The following TTC23 variants were observed in gnomAD, a reference collection of about 807,000 sequenced individuals.
TTC23 encodes the protein tetratricopeptide repeat protein 23.
A neutral mutation model predicts 55.1 loss-of-function variants in TTC23; 58 were observed. The observed-to-expected ratio is 1.05, with a 90% CI of 0.85 to 1.31. The LOEUF is 1.31. TTC23 is among the 50% of genes most tolerant of loss of function. The probability of loss-of-function intolerance (pLI) is 0.00; values close to 1 mark genes in which losing one functional copy is unlikely to be tolerated. For synonymous variants in TTC23, 203 were observed against 199.9 expected, an observed-to-expected ratio of 1.02 and a Z score of -0.13; for missense variants, 516 against 534.4, an observed-to-expected ratio of 0.97 and a Z score of 0.34.
In TTC23 at chr15:99,138,033, G is replaced by A. The variant is rs782673776; in HGVS notation, c.1321C>T (p.Arg441Trp). The change falls in exon 14 of 14, where the codon CGG becomes TGG. Residue 441 changes from arginine (R) to tryptophan (W), a missense_variant. Transcript: ENST00000394132. Reference protein sequence around the residue: ...IPQDTLLGKARPGTTAD With the variant: ...IPQDTLLGKAWPGTTAD ...CCTCAGTCTGCTGTTGTGCCGGGCCGGGCCTTCCCCAGCAGGGTGTCCTGA... is the reference window on the plus strand; with the variant it reads ...CCTCAGTCTGCTGTTGTGCCGGGCCAGGCCTTCCCCAGCAGGGTGTCCTGA... 8.1e-6 allele frequency: 13 copies of A among 1,613,930 alleles called. No homozygotes were observed. The highest frequency in any genetic ancestry group is 2.2e-5 in the East Asian group (1 of 44,888).
intron 10 of TTC23, among the ~76,000 whole-genome samples, chr15:99,171,458 T>C (rs1473438459): frequency 6.6e-6 from 1 of 152,068 alleles, no homozygotes; most frequent in East Asian, 1.9e-4. Flanking sequence ...TGAGCATGTC[T>C]GTGGAAGTAC....
At chr15:99,175,415 T>C (rs1022097880) in intron 9 of TTC23, among the ~76,000 whole-genome samples, 11 of 152,244 alleles carry the variant, frequency 7.2e-5, no homozygotes, top group African/African-American at 2.7e-4. Context: ...TAAACGTCTA[T>C]GATCCTTTGA....
At chr15:99,160,779 C>G (rs12593187) in intron 11 of TTC23, 2 of 152,130 alleles carry the variant, frequency 1.3e-5, no homozygotes, top group Admixed American at 1.3e-4. Flanking sequence ...CTTTGGGAGG[C>G]TGAGGCGGGC....
Position 99,218,854 on chromosome 15 carries a change from G to A in TTC23, c.455+44C>T, listed in dbSNP as rs144143144. ...TTTTTACTTGGCGTGTAAGTGTTAC[G>A]TGAATAGTATTTCTATTTGTAAAAG... On this transcript the variant is annotated intron_variant, in intron 7 of 13. Coordinates refer to ENST00000394132, the MANE Select transcript of TTC23 (RefSeq NM_001288615.3). 2.6e-5 allele frequency: 42 copies of A among 1,601,066 alleles called. No homozygotes were observed. The East Asian group carries it at 4.7e-4, about 18-fold the overall frequency.
chr15:99,184,439 T>C (rs904053477), intron 9 of TTC23, among the ~76,000 whole-genome samples: 1 of 152,232 alleles, frequency 6.6e-6, no homozygotes, highest in African/African-American at 2.4e-5. Flanking sequence ...GCTCACCTCT[T>C]ACATCAGCAT....
intron 9 of TTC23, among the ~76,000 whole-genome samples, chr15:99,195,762 A>G (rs1327549235): frequency 1.3e-5 from 2 of 152,064 alleles, no homozygotes; most frequent in Non-Finnish European, 2.9e-5. Context: ...TAGGCTCATC[A>G]ATTATAACAA....
chr15:99,152,715 C>T (rs1313080143), intron 12 of TTC23, among the ~76,000 whole-genome samples: 1 of 152,124 alleles, frequency 6.6e-6, no homozygotes, highest in Non-Finnish European at 1.5e-5. Context: ...TAATACACCA[C>T]CTCTTAGGGT....
At position 99,200,097 on chromosome 15, in the gene TTC23, C is replaced by G. The variant is rs1488941322; in HGVS notation, c.582-1G>C. 1.3e-6 allele frequency: 2 copies of G among 1,566,930 alleles called. No homozygotes were observed. Among genetic ancestry groups the G allele is most frequent in the Non-Finnish European group, 1.7e-6 (2 of 1,162,220 alleles). On this transcript the variant is annotated splice_acceptor_variant, in intron 8 of 13. Transcript: ENST00000394132. LOFTEE classifies it high-confidence loss of function. The stretch of plus-strand genomic sequence containing the variant: ...TGACTTCTTCTGACCTTGATACACC[C>G]TAAAAAAATCAAAGGAATTATTTTA...
chr15:99,148,371 A>AAAAAAAAAAAAAAAAAAAAAAAAAG (rs2069236788), intron 12 of TTC23: 1 of 146,802 alleles, frequency 6.8e-6, no homozygotes, highest in African/African-American at 2.5e-5. Flanking sequence ...AAAAAAAAAA[A>AAAAAAAAAAAAAAAAAAAAAAAAAG]AAAAAAAAAA....
At chr15:99,219,311 T>A (rs563620519) in intron 6 of TTC23, among the ~76,000 whole-genome samples, 1 of 152,220 alleles carries the variant, frequency 6.6e-6, no homozygotes, top group East Asian at 1.9e-4. Flanking sequence ...CTTTGAAACC[T>A]CACCAATAGC....
intron 11 of TTC23, among the ~76,000 whole-genome samples, chr15:99,157,070 A>T (rs1440943873): frequency 6.6e-6 from 1 of 151,528 alleles, no homozygotes; most frequent in Admixed American, 6.6e-5. Flanking sequence ...AAACTTGCTC[A>T]GAGTCAGAGG....
intron 6 of TTC23, among the ~76,000 whole-genome samples, chr15:99,220,746 G>T (rs1455026860): frequency 6.6e-6 from 1 of 152,166 alleles, no homozygotes; most frequent in Non-Finnish European, 1.5e-5. Context: ...TGGAAAGTTA[G>T]CATCACCATT....
At chr15:99,214,139 G>C (rs539437710) in intron 8 of TTC23, among the ~76,000 whole-genome samples, 4 of 152,252 alleles carry the variant, frequency 2.6e-5, no homozygotes, top group Non-Finnish European at 5.9e-5. Context: ...TAAAGAGACA[G>C]AGTTTTGCTT....
chr15:99,226,733 C>T (rs2078460817), intron 5 of TTC23, among the ~76,000 whole-genome samples: 1 of 152,178 alleles, frequency 6.6e-6, no homozygotes, highest in Non-Finnish European at 1.5e-5. Context: ...CCCTCAGCTC[C>T]TCCACACTGG....
intron 12 of TTC23, chr15:99,148,590 T>TA (rs2069283057): frequency 6.6e-6 from 1 of 152,072 alleles, no homozygotes; most frequent in African/African-American, 2.4e-5. Context: ...TAGTACCTAA[T>TA]ACGGAGGCCA....
chr15:99,222,421 T>C (rs1596840353), intron 5 of TTC23, among the ~76,000 whole-genome samples: 1 of 152,092 alleles, frequency 6.6e-6, no homozygotes, highest in East Asian at 1.9e-4. Flanking sequence ...GGACCACAGG[T>C]GTGCACCACC....
chr15:99,164,899 G>T (rs1405455216), intron 10 of TTC23, among the ~76,000 whole-genome samples: 1 of 152,130 alleles, frequency 6.6e-6, no homozygotes, highest in Non-Finnish European at 1.5e-5. Flanking sequence ...AAGAGAGCAG[G>T]CTCTGGGCTT....
intron 9 of TTC23, among the ~76,000 whole-genome samples, chr15:99,187,136 A>G (rs1227896176): frequency 6.6e-6 from 1 of 152,078 alleles, no homozygotes; most frequent in Non-Finnish European, 1.5e-5. Flanking sequence ...AACAGAATTG[A>G]GAATCTAGAA....
Position 99,156,298 on chromosome 15 carries a change from C to G in TTC23, c.994-1G>C, listed in dbSNP as rs770780457. On this transcript the variant is annotated splice_acceptor_variant, in intron 11 of 13. Coordinates refer to ENST00000394132, the MANE Select transcript of TTC23 (RefSeq NM_001288615.3). LOFTEE classifies it high-confidence loss of function. ...ACTCTCTCAGGATCGAGGTTGCTCT[C>G]TGTGAAAGGAACAAAAAGCTATCTG... The G allele has an allele frequency of 6.2e-7, 1 of 1,613,770 alleles. No individual in the cohort carries two copies. Among genetic ancestry groups the G allele is most frequent in the Non-Finnish European group, 8.5e-7 (1 of 1,179,760 alleles).
Sources: allele counts gnomAD v4.1 joint callset (sites outside exome capture counted in the v4.1 genomes callset), GRCh38; gene constraint gnomAD v4.1.1; transcripts MANE v1.5; gene names NCBI Gene and HGNC (gene_info 2026-07-23, HGNC 2026-07-21).